Variants in NAALADL2 observed in about 807,000 individuals in gnomAD.
NAALADL2 encodes the protein inactive N-acetylated-alpha-linked acidic dipeptidase-like protein 2.
Under a neutral mutation model 87.2 loss-of-function variants are expected in NAALADL2, and 76 were observed. The observed-to-expected ratio is 0.87, with a 90% CI of 0.72 to 1.05. NAALADL2 has a LOEUF of 1.05. NAALADL2 is among the 50% of genes least tolerant of loss of function. The pLI is 0.00. For missense variants in NAALADL2, 1,089 were observed against 945.8 expected, an observed-to-expected ratio of 1.15 and a Z score of -1.99; for synonymous variants, 354 against 331.0, an observed-to-expected ratio of 1.07 and a Z score of -0.75.
intron 9 of NAALADL2, among the ~76,000 whole-genome samples, chr3:175,527,639 T>C (rs1733594106): frequency 6.6e-6 from 1 of 152,188 alleles, no homozygotes; most frequent in African/African-American, 2.4e-5. Context: ...TGATATGTAC[T>C]GAGTTGAGTG....
chr3:175,081,205 G>A (rs1717743611), intron 1 of NAALADL2: 3 of 152,172 alleles, frequency 2.0e-5, no homozygotes, highest in Admixed American at 2.0e-4. Context: ...ATCATTATCT[G>A]AAGCAAAACA....
At chr3:175,336,948 A>T (rs954680390) in intron 5 of NAALADL2, among the ~76,000 whole-genome samples, 6 of 152,288 alleles carry the variant, frequency 3.9e-5, no homozygotes, top group African/African-American at 1.4e-4. Flanking sequence ...GATAATACAG[A>T]TACGCACATT....
chr3:175,750,102 A>G (rs2150121500), intron 12 of NAALADL2, among the ~76,000 whole-genome samples: 1 of 152,306 alleles, frequency 6.6e-6, no homozygotes, highest in Admixed American at 6.5e-5. Flanking sequence ...AGAGATTAAG[A>G]CACTGAGCCT....
At chr3:174,903,363 A>G (rs1732536659) in intron 1 of NAALADL2, among the ~76,000 whole-genome samples, 1 of 152,076 alleles carries the variant, frequency 6.6e-6, no homozygotes, top group African/African-American at 2.4e-5. Context: ...ACCTCACTTA[A>G]CATTTTAGAA....
chr3:175,729,768 G>GTT (rs11324916), intron 11 of NAALADL2, among the ~76,000 whole-genome samples: 7 of 125,536 alleles, frequency 5.6e-5, no homozygotes, highest in Non-Finnish European at 5.2e-5. Context: ...TCAGCTGAAG[G>GTT]TTTTTTTTTT....
At chr3:174,874,025 T>A (rs1327961288) in intron 1 of NAALADL2, among the ~76,000 whole-genome samples, 3 of 152,024 alleles carry the variant, frequency 2.0e-5, no homozygotes, top group Non-Finnish European at 4.4e-5. Context: ...CAACAAACAT[T>A]AAGTTACTGG....
intron 3 of NAALADL2, among the ~76,000 whole-genome samples, chr3:174,755,433 G>A (rs567836329): frequency 4.3e-4 from 65 of 152,212 alleles, no homozygotes; most frequent in African/African-American, 1.4e-3. Flanking sequence ...CAGAAATCTG[G>A]TGAAATTAAT....
chr3:175,544,997 A>G (rs561650068), intron 9 of NAALADL2, among the ~76,000 whole-genome samples: 12 of 152,318 alleles, frequency 7.9e-5, no homozygotes, highest in African/African-American at 2.9e-4. Context: ...TGGTCTTTCT[A>G]TAGTCTGGAA....
At chr3:174,961,142 A>T (rs1741931627) in intron 1 of NAALADL2, among the ~76,000 whole-genome samples, 1 of 148,716 alleles carries the variant, frequency 6.7e-6, no homozygotes, top group Non-Finnish European at 1.5e-5. Context: ...ATATATAATA[A>T]TACAATGATT....
chr3:175,765,752 A>G (rs1331973863), intron 13 of NAALADL2, among the ~76,000 whole-genome samples: 1 of 152,132 alleles, frequency 6.6e-6, no homozygotes. Flanking sequence ...TAACAATAAC[A>G]ACAATACTTT....
intron 2 of NAALADL2, among the ~76,000 whole-genome samples, chr3:174,714,622 G>A (rs1376401809): frequency 6.6e-6 from 1 of 152,282 alleles, no homozygotes. Flanking sequence ...GTATAGGAAT[G>A]CTTGTGATTT....
In NAALADL2 at chr3:175,755,252, A is replaced by G. The variant is rs1198253885; in HGVS notation, c.2023A>G (p.Met675Val). Residue 675 changes from methionine to valine, a missense_variant, in exon 13 of 14, where the codon ATG becomes GTG. Coordinates refer to ENST00000454872, the MANE Select transcript of NAALADL2 (RefSeq NM_207015.3). ...DQPNTHQLLAMALRLRESAEL... is the reference protein window; with the variant it reads ...DQPNTHQLLAVALRLRESAEL... ...ACCCAACACTCATCAACTGTTAGCC[A>G]TGGCGTTACGCCTGCGGGAGAGTGC... The G allele has an allele frequency of 1.9e-6, 3 of 1,613,444 alleles. No homozygotes were observed. Among genetic ancestry groups the G allele is most frequent in the Middle Eastern group, 1.7e-4 (1 of 5,878 alleles).
At chr3:175,538,178 G>C (rs1205268724) in intron 9 of NAALADL2, among the ~76,000 whole-genome samples, 1 of 152,046 alleles carries the variant, frequency 6.6e-6, no homozygotes, top group African/African-American at 2.4e-5. Context: ...TTTATAGACA[G>C]AATGTCCAAA....
At chr3:174,989,289 T>C (rs1301633984) in intron 1 of NAALADL2, among the ~76,000 whole-genome samples, 1 of 152,206 alleles carries the variant, frequency 6.6e-6, no homozygotes, top group East Asian at 1.9e-4. Flanking sequence ...TGTGAGGTAC[T>C]GTCAGGATTT....
At chr3:175,793,341 C>T (rs1234342171) in intron 13 of NAALADL2, among the ~76,000 whole-genome samples, 1 of 138,650 alleles carries the variant, frequency 7.2e-6, no homozygotes, top group Non-Finnish European at 1.5e-5. Context: ...CGGAGTCTCT[C>T]TCTGTCGCCT....
Position 175,677,115 on chromosome 3 carries a change from A to G in NAALADL2, c.1896+49729A>G, listed in dbSNP as rs558811759. Among the ~76,000 whole-genome samples the G allele has an allele frequency of 3.1e-3, 475 of 152,262 alleles. 3 individuals are homozygous for G. Among genetic ancestry groups the G allele is most frequent in the African/African-American group, 0.011 (457 of 41,554 alleles). ...CATGGTGGTTCACGCCTATAATCCTAGCACTTTGGGAGGCTGAGGTGGGCA... is the reference window on the plus strand; with the variant it reads ...CATGGTGGTTCACGCCTATAATCCTGGCACTTTGGGAGGCTGAGGTGGGCA... On this transcript the variant is annotated intron_variant, in intron 11 of 13. Transcript: ENST00000454872.
chr3:174,480,754 T>C (rs1435925052), intron 1 of NAALADL2, among the ~76,000 whole-genome samples: 1 of 152,092 alleles, frequency 6.6e-6, no homozygotes, highest in East Asian at 1.9e-4. Context: ...AGAATTTTTA[T>C]AGTGGGGCTT....
intron 3 of NAALADL2, among the ~76,000 whole-genome samples, chr3:174,841,227 C>A (rs1297167424): frequency 6.6e-6 from 1 of 152,044 alleles, no homozygotes; most frequent in Non-Finnish European, 1.5e-5. Flanking sequence ...GAAACCAAAC[C>A]ACTTAGTGTT....
At chr3:175,116,208 A>G (rs1435163283) in intron 2 of NAALADL2, among the ~76,000 whole-genome samples, 1 of 152,182 alleles carries the variant, frequency 6.6e-6, no homozygotes, top group East Asian at 1.9e-4. Context: ...CTCCTATTCA[A>G]CATAGTGTTG....
Sources: gnomAD v4.1 joint callset for allele counts (sites outside exome capture counted in the v4.1 genomes callset) on GRCh38, gnomAD v4.1.1 for gene constraint, MANE v1.5 for transcripts, NCBI Gene and HGNC (gene_info 2026-07-23, HGNC 2026-07-21) for gene names.